The following LPIN2 variants were observed in gnomAD, a reference collection of about 807,000 sequenced individuals.
LPIN2 encodes lipin 2.
In LPIN2, 55 loss-of-function variants were observed where a neutral mutation model predicts 111.4. The observed-to-expected ratio is 0.49, with a 90% CI of 0.40 to 0.62. The LOEUF is 0.62. Among genes scored for constraint, LPIN2 ranks in the 20% least tolerant of loss-of-function variants. LPIN2 has a pLI of 0.00. For synonymous variants in LPIN2, 425 were observed against 414.0 expected, an observed-to-expected ratio of 1.03 and a Z score of -0.32; for missense variants, 992 against 1,112.1, an observed-to-expected ratio of 0.89 and a Z score of 1.54.
chr18:2,948,785 G>A (rs1221750088), intron 4 of LPIN2, among the ~76,000 whole-genome samples: 1 of 151,608 alleles, frequency 6.6e-6, no homozygotes. Context: ...GTATGCATAA[G>A]ACAAAACTTT....
chr18:2,958,459 T>C (rs2077658572), intron 2 of LPIN2, among the ~76,000 whole-genome samples: 1 of 152,146 alleles, frequency 6.6e-6, no homozygotes, highest in Non-Finnish European at 1.5e-5. Context: ...TTCACATCAA[T>C]GGCCAGCTTT....
rs759222893 is a variant in LPIN2, at chr18:2,951,359, TGAG to T, written c.289-6_289-4del. The stretch of plus-strand genomic sequence containing the variant: ...GCAAGGTAAGCAGGAAGCTTTTCCT[TGAG>T]GAGAATGGAGAAAGAAAAGTTATCC... On this transcript the variant is annotated splice_region_variant and splice_polypyrimidine_tract_variant and intron_variant, in intron 3 of 19. Coordinates refer to ENST00000677752, the MANE Select transcript of LPIN2 (RefSeq NM_001375808.2). 8.1e-6 allele frequency: 13 copies of T among 1,613,514 alleles called. No individual in the cohort carries two copies. The highest frequency in any genetic ancestry group is 2.2e-5 in the South Asian group (2 of 91,068).
At position 2,918,046 on chromosome 18, in the gene LPIN2, A is replaced by T. The variant is rs896351689; in HGVS notation, c.*2247T>A. The T allele has an allele frequency of 2.6e-5, 4 of 152,204 alleles. No individual in the cohort carries two copies. Among genetic ancestry groups the T allele is most frequent in the Admixed American group, 6.5e-5 (1 of 15,276 alleles). The allele number at this position is 152,204 out of a possible 1,614,324, so 9.4% of individuals were successfully genotyped here. On this transcript the variant is annotated 3_prime_UTR_variant, in exon 20 of 20. Transcript: ENST00000677752. ...AAACTTAATACTTTCCTAACACTAC[A>T]GCAATAGTAATCATCTACTTTCAGC... is the stretch of plus-strand genomic sequence containing the variant.
At chr18:2,999,116 T>A (rs904902577) in intron 1 of LPIN2, among the ~76,000 whole-genome samples, 2 of 152,248 alleles carry the variant, frequency 1.3e-5, no homozygotes, top group African/African-American at 4.8e-5. Flanking sequence ...TCACATGTGT[T>A]ATCCCCACTC....
chr18:2,958,163 A>AAAAAAAAAAAAAAAAAAAAC (rs1568571278), intron 2 of LPIN2, among the ~76,000 whole-genome samples: 1 of 142,664 alleles, frequency 7.0e-6, no homozygotes, highest in Non-Finnish European at 1.6e-5. Context: ...AAAAACAACA[A>AAAAAAAAAAAAAAAAAAAAC]AAAAAAAAAA....
At chr18:2,961,996 C>G (rs534391699) in intron 1 of LPIN2, among the ~76,000 whole-genome samples, 2 of 152,324 alleles carry the variant, frequency 1.3e-5, no homozygotes, top group East Asian at 1.9e-4. Flanking sequence ...TGAAAAGTTT[C>G]AGAGATCATG....
At chr18:3,002,474 T>C (rs560454841) in intron 1 of LPIN2, among the ~76,000 whole-genome samples, 3 of 152,324 alleles carry the variant, frequency 2.0e-5, no homozygotes, top group East Asian at 3.9e-4. Flanking sequence ...TATAGACAAC[T>C]GTGCTTTCTA....
intron 1 of LPIN2, chr18:2,978,930 C>A: frequency 6.6e-6 from 1 of 152,318 alleles, no homozygotes; most frequent in Non-Finnish European, 1.5e-5. Context: ...CCAAATGATC[C>A]CAGAATGTAG....
chr18:2,945,618 C>T (rs1481177409), intron 4 of LPIN2: 29 of 1,524,490 alleles, frequency 1.9e-5, no homozygotes, highest in South Asian at 3.4e-5. Flanking sequence ...CCCACTGCAT[C>T]GGTTCAGCTT....
intron 19 of LPIN2, 63 bp from the exon 20 acceptor site, chr18:2,920,500 TGGG>T: frequency 6.4e-7 from 1 of 1,572,592 alleles, no homozygotes; most frequent in Non-Finnish European, 8.7e-7. Context: ...AGGCACAAGA[TGGG>T]GGGCTGTGAA....
rs772206179 is a variant in LPIN2, at chr18:2,946,205, T to C, written c.590+4850A>G. 11 of 1,608,544 alleles carry C rather than the reference T, an allele frequency of 6.8e-6. No homozygotes were observed. In the South Asian group the frequency reaches 1.1e-4, roughly 16 times the overall value. On this transcript the variant is annotated intron_variant, in intron 4 of 19. Transcript: ENST00000677752. Reference sequence around the variant, plus strand: ...TAATTCCAAATTTGTCATTGGTTCATCTGGGCTTGGTCTTTTTATCGCGTC... The same window carrying C: ...TAATTCCAAATTTGTCATTGGTTCACCTGGGCTTGGTCTTTTTATCGCGTC...
In LPIN2 at chr18:2,924,879, T is replaced by A. The variant is rs2077106813; in HGVS notation, c.1939-333A>T. On this transcript the variant is annotated intron_variant, in intron 14 of 19. Coordinates refer to ENST00000677752, the MANE Select transcript of LPIN2 (RefSeq NM_001375808.2). ...TACCGAAAATGGGTCAAAGGCAGGG[T>A]GTAAAATAAGAGGAGAAATTGTGTC... Among the ~76,000 whole-genome samples the A allele has an allele frequency of 2.6e-5, 4 of 152,024 alleles. No homozygotes were observed. In the South Asian group the frequency reaches 8.3e-4, roughly 32 times the overall value.
At chr18:2,960,572 T>G (rs1598571602) in intron 2 of LPIN2, 77 bp downstream of exon 2, 2 of 1,469,056 alleles carry the variant, frequency 1.4e-6, no homozygotes, top group East Asian at 4.5e-5. Context: ...GAGGATGACT[T>G]TTCTACTCCT....
At chr18:2,969,475 C>CT (rs1292064233) in intron 1 of LPIN2, among the ~76,000 whole-genome samples, 1 of 152,202 alleles carries the variant, frequency 6.6e-6, no homozygotes, top group African/African-American at 2.4e-5. Flanking sequence ...ATCACAAACT[C>CT]TGTCTTTCTA....
At chr18:2,953,692 G>A (rs1296223843) in intron 3 of LPIN2, among the ~76,000 whole-genome samples, 1 of 152,076 alleles carries the variant, frequency 6.6e-6, no homozygotes, top group African/African-American at 2.4e-5. Flanking sequence ...AAGTAGTCCT[G>A]TATCCTTAAT....
At chr18:2,937,631 C>T in intron 7 of LPIN2, 61 bp downstream of exon 7, 1 of 1,356,598 alleles carries the variant, frequency 7.4e-7, no homozygotes, top group Non-Finnish European at 1.0e-6. Flanking sequence ...TTATGTGGAA[C>T]ACTGAAATAA....
rs2076982316 is a variant in LPIN2 at position 2,917,181 on chromosome 18, A to G, written c.*3112T>C. ...AGTGACATTGCTGTCTAATAATCAA[A>G]TACTTCATCATAGGCTGAACATAAT... On this transcript the variant is annotated 3_prime_UTR_variant, in exon 20 of 20. Coordinates refer to ENST00000677752, the MANE Select transcript of LPIN2 (RefSeq NM_001375808.2). 1 of 152,226 alleles carries G rather than the reference A, an allele frequency of 6.6e-6. No homozygotes were observed. The highest frequency in any genetic ancestry group is 6.5e-5 in the Admixed American group (1 of 15,288). The allele number at this position is 152,226 out of a possible 1,614,324, so 9.4% of individuals were successfully genotyped here.
chr18:3,003,259 C>G (rs1163897491), intron 1 of LPIN2, among the ~76,000 whole-genome samples: 1 of 152,186 alleles, frequency 6.6e-6, no homozygotes, highest in Non-Finnish European at 1.5e-5. Context: ...CACTAAAACT[C>G]CATTAGCGGG....
chr18:2,986,527 A>G (rs1203813268), intron 1 of LPIN2, among the ~76,000 whole-genome samples: 1 of 134,938 alleles, frequency 7.4e-6, no homozygotes, highest in East Asian at 2.2e-4. Flanking sequence ...GTCTATTGTG[A>G]TAAGTCTATT....
Sources: gnomAD v4.1 joint callset for allele counts (sites outside exome capture counted in the v4.1 genomes callset) on GRCh38, gnomAD v4.1.1 for gene constraint, MANE v1.5 for transcripts, NCBI Gene and HGNC (gene_info 2026-07-23, HGNC 2026-07-21) for gene names.